The following ASAP2 variants were observed in gnomAD, a reference collection of about 807,000 sequenced individuals.
ASAP2 encodes ArfGAP with SH3 domain, ankyrin repeat and PH domain 2, also known as arf-GAP with SH3 domain, ANK repeat and PH domain-containing protein 2.
Under a neutral mutation model 131.4 loss-of-function variants are expected in ASAP2, and 45 were observed. That is an observed-to-expected ratio of 0.34 (90% CI 0.27 to 0.44). ASAP2 has a LOEUF of 0.44. Among genes scored for constraint, ASAP2 ranks in the 20% least tolerant of loss-of-function variants. The pLI is 1.00. For missense variants in ASAP2, 1,011 were observed against 1,297.0 expected (o/e 0.78, Z 3.39); for synonymous variants, 510 against 503.0 (o/e 1.01, Z -0.19).
intron 1 of ASAP2, among the ~76,000 whole-genome samples, chr2:9,221,268 A>G (rs370784285): frequency 1.9e-4 from 29 of 151,494 alleles, no homozygotes; most frequent in East Asian, 7.7e-4. Context: ...TTAACAATCT[A>G]TCATAACCTC....
intron 1 of ASAP2, among the ~76,000 whole-genome samples, chr2:9,216,918 C>T (rs1662091567): frequency 6.6e-6 from 1 of 152,044 alleles, no homozygotes; most frequent in African/African-American, 2.4e-5. Context: ...TCTTTTCTAA[C>T]ATTTATGGGG....
Position 9,240,707 on chromosome 2 carries a change from G to A in ASAP2, c.126+33477G>A, listed in dbSNP as rs140436271. Among the ~76,000 whole-genome samples, 4 of 152,218 alleles carry A rather than the reference G, an allele frequency of 2.6e-5. No individual in the cohort carries two copies. The East Asian group carries it at 7.7e-4, about 29-fold the overall frequency. The stretch of plus-strand genomic sequence containing the variant: ...AGACCCACTTTTCCCTTAGATCTTA[G>A]CAACCTCAGCATAGGAATTTTTCCT... On this transcript the variant is annotated intron_variant, in intron 1 of 27. Coordinates refer to ENST00000281419, the MANE Select transcript of ASAP2 (RefSeq NM_003887.3).
intron 19 of ASAP2, among the ~76,000 whole-genome samples, 190 bp downstream of exon 19, chr2:9,379,249 CT>C (rs1353083712): frequency 1.3e-5 from 2 of 152,240 alleles, no homozygotes; most frequent in Non-Finnish European, 2.9e-5. Flanking sequence ...CATTCACCAT[CT>C]GTTACTTAGA....
chr2:9,259,749 G>T (rs1184697085), intron 1 of ASAP2, among the ~76,000 whole-genome samples: 2 of 152,342 alleles, frequency 1.3e-5, no homozygotes, highest in Non-Finnish European at 2.9e-5. Context: ...GTGTTTTAGC[G>T]CAGAGATCTT....
intron 7 of ASAP2, among the ~76,000 whole-genome samples, chr2:9,329,419 G>A (rs879866103): frequency 1.5e-4 from 23 of 152,154 alleles, no homozygotes; most frequent in Admixed American, 2.6e-4. Context: ...TTGCCTTCAC[G>A]GACCCTGGGG....
At chr2:9,401,051 T>G (rs1234015406) in intron 26 of ASAP2, among the ~76,000 whole-genome samples, 2 of 152,050 alleles carry the variant, frequency 1.3e-5, no homozygotes, top group African/African-American at 4.8e-5. Flanking sequence ...CCCGGCCGCT[T>G]CGTTTCCCAG....
rs921784676 is a variant in ASAP2 at position 9,268,951 on chromosome 2, C to T, written c.127-10366C>T. Among the ~76,000 whole-genome samples the T allele has an allele frequency of 6.6e-6, 1 of 152,120 alleles. No individual in the cohort carries two copies. The highest frequency in any genetic ancestry group is 6.5e-5 in the Admixed American group (1 of 15,280). ...TGGGGACAAACCGGTGCTGTGCTGC[C>T]TGCAGTGTGGGCTCCCTGTCAGGGC... On this transcript the variant is annotated intron_variant, in intron 1 of 27. Coordinates refer to ENST00000281419, the MANE Select transcript of ASAP2 (RefSeq NM_003887.3). This position sits in a 1 kb window ranked among gnomAD's most constrained non-coding sequence, Gnocchi z 4.1.
At chr2:9,361,722 C>T (rs1414220525) in intron 15 of ASAP2, among the ~76,000 whole-genome samples, 7 of 152,040 alleles carry the variant, frequency 4.6e-5, no homozygotes. Flanking sequence ...CAAGTGCTAC[C>T]ACGCCTGGCT....
chr2:9,322,360 T>A (rs1260260228), intron 5 of ASAP2, among the ~76,000 whole-genome samples: 1 of 152,154 alleles, frequency 6.6e-6, no homozygotes, highest in Admixed American at 6.5e-5. Flanking sequence ...GCTACTTGGG[T>A]CTTCTGGTGT....
intron 3 of ASAP2, among the ~76,000 whole-genome samples, chr2:9,299,946 T>C (rs748480745): frequency 3.9e-5 from 6 of 152,140 alleles, no homozygotes; most frequent in Non-Finnish European, 8.8e-5. Context: ...AGAGCTAATA[T>C]CTGGCCCGGC....
intron 12 of ASAP2, 105 bp downstream of exon 12, chr2:9,351,000 A>G: frequency 1.2e-5 from 10 of 859,304 alleles, no homozygotes; most frequent in Non-Finnish European, 1.7e-5. Context: ...TTGGTTTTTG[A>G]AGAGACATAC....
rs983931116 is a variant in ASAP2 at position 9,232,486 on chromosome 2, T to A, written c.126+25256T>A. Among the ~76,000 whole-genome samples the A allele has an allele frequency of 6.6e-6, 1 of 152,246 alleles. No individual in the cohort carries two copies. The highest frequency in any genetic ancestry group is 2.4e-5 in the African/African-American group (1 of 41,462). ...TGTCTGTCTTTGACAAACTATGATC[T>A]TGGAAGTGCAGAGAACTTGTCTGAT... is the stretch of plus-strand genomic sequence containing the variant. On this transcript the variant is annotated intron_variant, in intron 1 of 27. Coordinates refer to ENST00000281419, the MANE Select transcript of ASAP2 (RefSeq NM_003887.3). This position sits in a 1 kb window ranked among gnomAD's most constrained non-coding sequence, Gnocchi z 4.1.
At chr2:9,372,216 G>A (rs1166833095) in intron 16 of ASAP2, among the ~76,000 whole-genome samples, 1 of 152,128 alleles carries the variant, frequency 6.6e-6, no homozygotes, top group Non-Finnish European at 1.5e-5. Flanking sequence ...GTCAGAAGAG[G>A]CATTTACATC....
intron 4 of ASAP2, among the ~76,000 whole-genome samples, chr2:9,319,859 G>A (rs998391920): frequency 1.3e-5 from 2 of 152,178 alleles, no homozygotes; most frequent in Non-Finnish European, 2.9e-5. Flanking sequence ...TATTTCTGTC[G>A]TTGGGCTTAA....
chr2:9,283,801 C>T (rs1395225164), intron 2 of ASAP2, among the ~76,000 whole-genome samples: 1 of 152,222 alleles, frequency 6.6e-6, no homozygotes, highest in African/African-American at 2.4e-5. Flanking sequence ...TGTACCCTCA[C>T]ATGGCAGCGA....
intron 1 of ASAP2, among the ~76,000 whole-genome samples, chr2:9,227,784 C>A (rs981853043): frequency 6.6e-6 from 1 of 152,178 alleles, no homozygotes; most frequent in Non-Finnish European, 1.5e-5. Flanking sequence ...TACAAAGATT[C>A]TATGTGCTTA....
chr2:9,243,265 C>T (rs779721561), intron 1 of ASAP2, among the ~76,000 whole-genome samples: 2 of 152,244 alleles, frequency 1.3e-5, no homozygotes, highest in Admixed American at 1.3e-4. Context: ...CCCGCCACCA[C>T]GCCCAGCTAA....
At position 9,393,677 on chromosome 2, in the gene ASAP2, C is replaced by T. The variant is rs186325234; in HGVS notation, c.2684+30C>T. ...GCCACCCCCAGCCAGCTCGGCCATC[C>T]GTGCTCCTGCCCTCTGACCTCACCT... On this transcript the variant is annotated intron_variant, in intron 24 of 27. Coordinates refer to ENST00000281419, the MANE Select transcript of ASAP2 (RefSeq NM_003887.3). 283 of 1,542,386 alleles carry T rather than the reference C, an allele frequency of 1.8e-4. 3 individuals carry two copies. In the East Asian group the frequency reaches 5.7e-3, roughly 31 times the overall value.
At chr2:9,276,972 T>C (rs142606196) in intron 1 of ASAP2, among the ~76,000 whole-genome samples, 2 of 152,314 alleles carry the variant, frequency 1.3e-5, no homozygotes, top group East Asian at 3.9e-4. Flanking sequence ...TCTTCCACTG[T>C]CTGTGGGGAG....
Sources: allele counts gnomAD v4.1 joint callset (sites outside exome capture counted in the v4.1 genomes callset), GRCh38; gene constraint gnomAD v4.1.1; non-coding constraint Gnocchi (gnomAD v3.1); transcripts MANE v1.5; gene names NCBI Gene and HGNC (gene_info 2026-07-23, HGNC 2026-07-21).